Variants in ATP6V1G3 observed in about 807,000 individuals in gnomAD.
ATP6V1G3 encodes V-type proton ATPase subunit G 3.
A neutral mutation model predicts 9.3 loss-of-function variants in ATP6V1G3; 9 were observed. That is an observed-to-expected ratio of 0.97 (90% CI 0.59 to 1.69). The LOEUF (loss-of-function observed/expected upper bound fraction) is 1.69. Ranked by LOEUF, ATP6V1G3 falls within the 40% of genes most tolerant of loss-of-function variation. The pLI is 0.00. For missense variants in ATP6V1G3, 133 were observed against 139.0 expected (o/e 0.96, Z 0.22); for synonymous variants, 43 against 43.8 (o/e 0.98, Z 0.07).
chr1:198,538,638 C>A (rs1571722052), intron 1 of ATP6V1G3, among the ~76,000 whole-genome samples: 1 of 152,088 alleles, frequency 6.6e-6, no homozygotes, highest in African/African-American at 2.4e-5. Context: ...GGCACAGTAG[C>A]TCACTCCTGT....
intron 2 of ATP6V1G3, among the ~76,000 whole-genome samples, chr1:198,527,433 C>T (rs1659700334): frequency 6.6e-6 from 1 of 151,972 alleles, no homozygotes; most frequent in Non-Finnish European, 1.5e-5. Context: ...TGATAAGATT[C>T]TTCTGGAGAA....
At chr1:198,525,971 C>A (rs1659637737) in intron 2 of ATP6V1G3, among the ~76,000 whole-genome samples, 1 of 152,152 alleles carries the variant, frequency 6.6e-6, no homozygotes, top group Non-Finnish European at 1.5e-5. Context: ...ATAATTTTCA[C>A]TGATTGTTTT....
intron 1 of ATP6V1G3, chr1:198,536,550 A>C (rs563851206): frequency 3.0e-6 from 2 of 668,484 alleles, no homozygotes; most frequent in Non-Finnish European, 5.1e-6. Flanking sequence ...AACTACTGTG[A>C]TTTCATCTAA....
intron 1 of ATP6V1G3, among the ~76,000 whole-genome samples, chr1:198,532,224 T>C (rs1306823548): frequency 6.6e-6 from 1 of 151,968 alleles, no homozygotes; most frequent in African/African-American, 2.4e-5. Context: ...GTATACAGAA[T>C]GAGGAGAAAA....
At chr1:198,529,805 A>T (rs940860007) in intron 1 of ATP6V1G3, among the ~76,000 whole-genome samples, 4 of 151,716 alleles carry the variant, frequency 2.6e-5, no homozygotes, top group African/African-American at 9.7e-5. Flanking sequence ...CTCTGAGGGG[A>T]ACTTGCTTGA....
chr1:198,527,468 A>G (rs1042226631), intron 2 of ATP6V1G3, among the ~76,000 whole-genome samples: 3 of 152,134 alleles, frequency 2.0e-5, no homozygotes, highest in African/African-American at 7.2e-5. Flanking sequence ...GATTTAACAC[A>G]AGCACTTTCT....
intron 2 of ATP6V1G3, among the ~76,000 whole-genome samples, chr1:198,527,106 C>CG (rs1659684726): frequency 6.6e-6 from 1 of 152,132 alleles, no homozygotes; most frequent in Non-Finnish European, 1.5e-5. Flanking sequence ...ACAACACCCA[C>CG]GGCACACAGG....
chr1:198,527,257 G>A (rs1659691880), intron 2 of ATP6V1G3, among the ~76,000 whole-genome samples: 1 of 152,126 alleles, frequency 6.6e-6, no homozygotes, highest in Non-Finnish European at 1.5e-5. Context: ...TTTACAAAAT[G>A]CTCGAAGTAG....
chr1:198,537,984 A>G (rs987141579), intron 1 of ATP6V1G3, among the ~76,000 whole-genome samples: 5 of 152,224 alleles, frequency 3.3e-5, no homozygotes, highest in Non-Finnish European at 7.3e-5. Context: ...CTTTAAGAAA[A>G]CAGTTTCTAT....
At chr1:198,533,483 G>A (rs1427642028) in intron 1 of ATP6V1G3, among the ~76,000 whole-genome samples, 2 of 152,114 alleles carry the variant, frequency 1.3e-5, no homozygotes, top group African/African-American at 4.8e-5. Context: ...ATATTTTGGA[G>A]GTGGAATTGA....
intron 1 of ATP6V1G3, among the ~76,000 whole-genome samples, chr1:198,533,330 G>A (rs116216367): frequency 0.029 from 4,384 of 151,814 alleles, 213 homozygotes; most frequent in African/African-American, 0.1. Flanking sequence ...TTCTTTGGCT[G>A]GTGTGGTGAA....
intron 2 of ATP6V1G3, among the ~76,000 whole-genome samples, chr1:198,526,539 C>T (rs1367530863): frequency 1.3e-5 from 2 of 152,128 alleles, no homozygotes; most frequent in East Asian, 3.8e-4. Context: ...AGGACTTCTC[C>T]ATGTTAATTT....
Position 198,523,345 on chromosome 1 carries a change from G to A in ATP6V1G3, c.*46C>T. 6.4e-7 allele frequency: 1 copy of A among 1,566,334 alleles called. No homozygotes were observed. Among genetic ancestry groups the A allele is most frequent in the Non-Finnish European group, 8.7e-7 (1 of 1,152,912 alleles). ...AAAATACGAAGCCATAAGCAACCAG[G>A]TGGCACTCACACACCTTTTTTTTTC... On this transcript the variant is annotated 3_prime_UTR_variant, in exon 3 of 3. Transcript: ENST00000367382.
chr1:198,524,453 T>C (rs1659580031), intron 2 of ATP6V1G3, among the ~76,000 whole-genome samples: 1 of 152,126 alleles, frequency 6.6e-6, no homozygotes. Flanking sequence ...GTAATAGATA[T>C]TATCTTGAAC....
rs190004796 is a variant in ATP6V1G3 at position 198,537,713 on chromosome 1, T to A, written c.82+2856A>T. Among the ~76,000 whole-genome samples the A allele has an allele frequency of 2.0e-4, 31 of 152,356 alleles. No homozygotes were observed. In the East Asian group the frequency reaches 5.6e-3, roughly 27 times the overall value. On this transcript the variant is annotated intron_variant, in intron 1 of 2. Coordinates refer to ENST00000367382, the MANE Select transcript of ATP6V1G3 (RefSeq NM_001376861.1). ...TGTCATCATGCCTCCTTTCCCTTTT[T>A]AAAATAGTCATTTGTGCATTTATCT...
In ATP6V1G3 at chr1:198,529,102, C is replaced by A. The variant is rs1358303424; in HGVS notation, c.162G>T (p.Glu54Asp). The A allele has an allele frequency of 3.3e-6, 5 of 1,538,222 alleles. No individual in the cohort carries two copies. The highest frequency in any genetic ancestry group is 4.4e-6 in the Non-Finnish European group (5 of 1,135,990). ...TCACCTTAGATTGTTTTAGTCGAAA[C>A]TCTTTATCTCTCTGCATTCTGTACT... is the stretch of plus-strand genomic sequence containing the variant. The part of the protein sequence containing the change: ...IDQYRMQRDK[E>D]FRLKQSKIMG... Residue 54 changes from glutamate (E) to aspartate (D), a missense_variant, in exon 2 of 3, where the codon GAG becomes GAT. Glu to Asp is a conservative substitution (Grantham distance 45). Coordinates refer to ENST00000367382, the MANE Select transcript of ATP6V1G3 (RefSeq NM_001376861.1).
chr1:198,524,684 C>T (rs1451226247), intron 2 of ATP6V1G3, among the ~76,000 whole-genome samples: 1 of 152,114 alleles, frequency 6.6e-6, no homozygotes, highest in African/African-American at 2.4e-5. Flanking sequence ...AGGAATTCTG[C>T]AGTGAAACAC....
At chr1:198,538,321 A>G (rs1660202082) in intron 1 of ATP6V1G3, among the ~76,000 whole-genome samples, 1 of 152,202 alleles carries the variant, frequency 6.6e-6, no homozygotes, top group Non-Finnish European at 1.5e-5. Flanking sequence ...CACTAGAGAA[A>G]AGCAAAAGAA....
intron 2 of ATP6V1G3, 103 bp downstream of exon 2, chr1:198,528,977 TC>T: frequency 2.3e-6 from 1 of 440,574 alleles, no homozygotes; most frequent in South Asian, 2.6e-5. Context: ...CTATATCTGC[TC>T]AATTGCAGCA....
Sources: allele counts gnomAD v4.1 joint callset (sites outside exome capture counted in the v4.1 genomes callset), GRCh38; gene constraint gnomAD v4.1.1; transcripts MANE v1.5; gene names NCBI Gene and HGNC (gene_info 2026-07-23, HGNC 2026-07-21).